PALM2AKAP2: variants seen among roughly 807,000 people sequenced by gnomAD.
The protein encoded by PALM2AKAP2 is PALM2 and AKAP2 fusion, also known as PALM2-AKAP2 fusion protein.
A neutral mutation model predicts 71.5 loss-of-function variants in PALM2AKAP2; 37 were observed. The ratio of observed to expected loss-of-function variants is 0.52; its 90% CI spans 0.40 to 0.68. PALM2AKAP2 has a LOEUF of 0.68. PALM2AKAP2 is among the 30% of genes least tolerant of loss of function. The probability of loss-of-function intolerance (pLI) is 0.00; values close to 1 mark genes in which losing one functional copy is unlikely to be tolerated. For synonymous variants in PALM2AKAP2, 468 were observed against 478.8 expected, an observed-to-expected ratio of 0.98 and a Z score of 0.29; for missense variants, 1,224 against 1,191.8, an observed-to-expected ratio of 1.03 and a Z score of -0.40.
intron 6 of PALM2AKAP2, 129 bp from the exon 7 acceptor site, chr9:110,015,825 G>A (rs901648208): frequency 1.2e-6 from 1 of 808,706 alleles, no homozygotes; most frequent in South Asian, 1.5e-5. Flanking sequence ...TGCAAGATAG[G>A]TATAGAGCTA....
At chr9:110,007,463 A>C (rs759194305) in intron 6 of PALM2AKAP2, among the ~76,000 whole-genome samples, 1 of 152,238 alleles carries the variant, frequency 6.6e-6, no homozygotes, top group Non-Finnish European at 1.5e-5. Flanking sequence ...ATTTTTGTAC[A>C]ACATGATTCT....
At chr9:109,943,522 C>T in intron 6 of PALM2AKAP2, 1 of 1,460,352 alleles carries the variant, frequency 6.8e-7, no homozygotes, top group Non-Finnish European at 9.1e-7. Context: ...GAACTGGAAG[C>T]AAACACCTGC....
At chr9:109,670,141 G>T (rs1827552676) in intron 1 of PALM2AKAP2, among the ~76,000 whole-genome samples, 1 of 151,982 alleles carries the variant, frequency 6.6e-6, no homozygotes, top group African/African-American at 2.4e-5. Flanking sequence ...TTTGATTTCA[G>T]GGGTACATAT....
chr9:109,943,562 C>G (rs1400972560), intron 6 of PALM2AKAP2: 15 of 1,269,150 alleles, frequency 1.2e-5, no homozygotes, highest in Non-Finnish European at 1.5e-5. Flanking sequence ...GCTTTGATCT[C>G]TCTCATTTTT....
chr9:109,930,490 T>G (rs1398837937), intron 5 of PALM2AKAP2, among the ~76,000 whole-genome samples: 1 of 152,224 alleles, frequency 6.6e-6, no homozygotes, highest in African/African-American at 2.4e-5. Flanking sequence ...TCTCCCAAAG[T>G]GCTGGGATTA....
At chr9:110,101,349 CCACCTACTCCCAT>C (rs1834995319) in intron 1 of PALM2AKAP2, among the ~76,000 whole-genome samples, 1 of 152,176 alleles carries the variant, frequency 6.6e-6, no homozygotes, top group Admixed American at 6.5e-5. Flanking sequence ...AGAAATTTAG[CCACCTACTCCCAT>C]CAGTGTAGCC....
In PALM2AKAP2 at chr9:109,974,456, A is replaced by G. The variant is rs189540329; in HGVS notation, c.497-41498A>G. Among the ~76,000 whole-genome samples the G allele has an allele frequency of 2.8e-3, 424 of 152,184 alleles. 2 individuals are homozygous for G. The highest frequency in any genetic ancestry group is 4.8e-3 in the Non-Finnish European group (323 of 67,984). ...ACACTCAGAGCCATGCATGCTGAAA[A>G]AAAAAACCCAAAGACCCAGAGATGT... On this transcript the variant is annotated intron_variant, in intron 6 of 9. Transcript: ENST00000302798.
chr9:109,688,079 C>A (rs936309256), intron 1 of PALM2AKAP2, among the ~76,000 whole-genome samples: 21 of 152,192 alleles, frequency 1.4e-4, no homozygotes, highest in African/African-American at 5.1e-4. Context: ...ATGGTAACAT[C>A]AAAGATCACG....
chr9:109,650,532 G>T (rs1005200851), intron 1 of PALM2AKAP2, among the ~76,000 whole-genome samples: 1 of 152,048 alleles, frequency 6.6e-6, no homozygotes, highest in Non-Finnish European at 1.5e-5. Flanking sequence ...TCTTCTTGCC[G>T]CAGGGCCCAA....
At chr9:109,941,556 A>G (rs1831368093) in intron 6 of PALM2AKAP2, among the ~76,000 whole-genome samples, 1 of 152,174 alleles carries the variant, frequency 6.6e-6, no homozygotes, top group Non-Finnish European at 1.5e-5. Flanking sequence ...GTTTTGATAG[A>G]AGAAGCTGGA....
chr9:109,948,819 A>T (rs1011540013), intron 6 of PALM2AKAP2, among the ~76,000 whole-genome samples: 1 of 152,258 alleles, frequency 6.6e-6, no homozygotes, highest in Admixed American at 6.5e-5. Flanking sequence ...CCTATGGTTA[A>T]TGTACTGTAT....
intron 3 of PALM2AKAP2, 54 bp from the exon 4 acceptor site, chr9:109,923,681 C>A: frequency 1.3e-6 from 2 of 1,518,218 alleles, no homozygotes; most frequent in Non-Finnish European, 1.8e-6. Context: ...TGCTCTCTTG[C>A]CCGTGGATGG....
intron 1 of PALM2AKAP2, among the ~76,000 whole-genome samples, chr9:110,126,756 G>T (rs1835615904): frequency 1.3e-5 from 2 of 152,266 alleles, no homozygotes; most frequent in South Asian, 4.2e-4. Flanking sequence ...CCCCGCTGCT[G>T]ACCCCCACCA....
intron 6 of PALM2AKAP2, among the ~76,000 whole-genome samples, chr9:110,002,899 GC>G (rs942693729): frequency 7.2e-5 from 11 of 152,190 alleles, no homozygotes; most frequent in African/African-American, 2.6e-4. Context: ...ATTTTTTATT[GC>G]GTCTATTTGA....
intron 1 of PALM2AKAP2, among the ~76,000 whole-genome samples, chr9:109,859,110 T>G (rs1285585505): frequency 1.3e-5 from 2 of 152,248 alleles, no homozygotes; most frequent in East Asian, 3.8e-4. Context: ...GGGATGTTTC[T>G]TAAGGTTTTG....
At chr9:110,155,444 C>T (rs998879294) in intron 2 of PALM2AKAP2, among the ~76,000 whole-genome samples, 1 of 152,186 alleles carries the variant, frequency 6.6e-6, no homozygotes, top group African/African-American at 2.4e-5. Flanking sequence ...GGCCAGAAGC[C>T]AGGGCCAGGC....
chr9:110,049,254 C>T (rs1833662006), intron 1 of PALM2AKAP2, among the ~76,000 whole-genome samples: 1 of 152,204 alleles, frequency 6.6e-6, no homozygotes, highest in Admixed American at 6.5e-5. Flanking sequence ...CCCGGGAGCA[C>T]CGGGAGGTGC....
upstream of PALM2AKAP2, among the ~76,000 whole-genome samples, chr9:109,776,558 T>C (rs1414712154): frequency 1.3e-5 from 2 of 152,246 alleles, no homozygotes; most frequent in Non-Finnish European, 2.9e-5. Flanking sequence ...CACACATGCC[T>C]GACTGAGCCG....
At chr9:109,888,642 G>A (rs1046098421) in intron 3 of PALM2AKAP2, among the ~76,000 whole-genome samples, 14 of 150,398 alleles carry the variant, frequency 9.3e-5, no homozygotes, top group Admixed American at 2.0e-4. Flanking sequence ...CCCAGGAGGC[G>A]GAGGTTGCAG....
Sources: gnomAD v4.1 joint callset for allele counts (sites outside exome capture counted in the v4.1 genomes callset) on GRCh38, gnomAD v4.1.1 for gene constraint, MANE v1.5 for transcripts, NCBI Gene and HGNC (gene_info 2026-07-23, HGNC 2026-07-21) for gene names.